The following SUMF1 variants were observed in gnomAD, a reference collection of about 807,000 sequenced individuals.
SUMF1 encodes sulfatase modifying factor 1, also known as formylglycine-generating enzyme.
In SUMF1, 48 loss-of-function variants were observed where a neutral mutation model predicts 47.6. The observed-to-expected ratio is 1.01, with a 90% CI of 0.80 to 1.28. The LOEUF is 1.28. SUMF1 is among the 50% of genes most tolerant of loss of function. The pLI, the probability that SUMF1 is intolerant of heterozygous loss-of-function variation, is 0.00. For missense variants in SUMF1, 571 were observed against 485.4 expected, an observed-to-expected ratio of 1.18 and a Z score of -1.66; for synonymous variants, 230 against 192.1, an observed-to-expected ratio of 1.20 and a Z score of -1.63.
At chr3:4,448,390 G>C (rs1258766291) in intron 3 of SUMF1, among the ~76,000 whole-genome samples, 2 of 152,076 alleles carry the variant, frequency 1.3e-5, no homozygotes, top group African/African-American at 4.8e-5. Flanking sequence ...TAAAAAGGAA[G>C]ATGAGGGCTG....
chr3:4,196,278 A>G (rs973138173), intron 8 of SUMF1, among the ~76,000 whole-genome samples: 2 of 152,128 alleles, frequency 1.3e-5, no homozygotes, highest in Admixed American at 1.3e-4. Context: ...ATGAAGGAAG[A>G]AAGAGAAGAG....
intron 8 of SUMF1, among the ~76,000 whole-genome samples, chr3:4,250,758 C>G (rs1299731897): frequency 6.6e-6 from 1 of 152,064 alleles, no homozygotes; most frequent in Non-Finnish European, 1.5e-5. Context: ...AATAACAAAG[C>G]CGAGATGCAA....
At chr3:4,037,239 T>G (rs1694817311) in intron 9 of SUMF1, among the ~76,000 whole-genome samples, 1 of 152,166 alleles carries the variant, frequency 6.6e-6, no homozygotes, top group Non-Finnish European at 1.5e-5. Flanking sequence ...AAGATAAAAT[T>G]GAAACTAAGT....
chr3:4,228,561 C>G (rs1367850025), intron 8 of SUMF1, among the ~76,000 whole-genome samples: 1 of 152,134 alleles, frequency 6.6e-6, no homozygotes, highest in Non-Finnish European at 1.5e-5. Flanking sequence ...TTATGCGGCT[C>G]TGCTTCACTG....
At chr3:4,208,781 A>G (rs757537590) in intron 8 of SUMF1, among the ~76,000 whole-genome samples, 1 of 152,160 alleles carries the variant, frequency 6.6e-6, no homozygotes, top group Non-Finnish European at 1.5e-5. Context: ...AACTGAAAAG[A>G]AAAAAGACTA....
intron 8 of SUMF1, among the ~76,000 whole-genome samples, chr3:4,331,973 A>G (rs1699060822): frequency 6.6e-6 from 1 of 152,240 alleles, no homozygotes; most frequent in Non-Finnish European, 1.5e-5. Context: ...AAAATGTCTA[A>G]ATTAAATTCT....
At chr3:4,362,647 C>A (rs550506415) in intron 8 of SUMF1, among the ~76,000 whole-genome samples, 1 of 152,130 alleles carries the variant, frequency 6.6e-6, no homozygotes, top group Admixed American at 6.5e-5. Context: ...TGAGGCCAGG[C>A]GCACTGGCTC....
At chr3:4,222,215 G>T (rs1274610882) in intron 8 of SUMF1, among the ~76,000 whole-genome samples, 1 of 151,896 alleles carries the variant, frequency 6.6e-6, no homozygotes, top group African/African-American at 2.4e-5. Context: ...AATTATCCAA[G>T]ATTTCTATAC....
intron 8 of SUMF1, among the ~76,000 whole-genome samples, chr3:4,322,621 C>G (rs1328827596): frequency 6.6e-6 from 1 of 151,168 alleles, no homozygotes; most frequent in Non-Finnish European, 1.5e-5. Context: ...GATCCTACCA[C>G]TGCACTTCAG....
At chr3:4,062,351 A>C (rs896765304) in intron 9 of SUMF1, among the ~76,000 whole-genome samples, 1 of 152,184 alleles carries the variant, frequency 6.6e-6, no homozygotes, top group African/African-American at 2.4e-5. Flanking sequence ...TAATAATAGC[A>C]ATAGAACCTT....
At chr3:4,079,998 G>A (rs1692525188) in intron 8 of SUMF1, among the ~76,000 whole-genome samples, 4 of 151,604 alleles carry the variant, frequency 2.6e-5, no homozygotes, top group East Asian at 3.9e-4. Flanking sequence ...TCTGGACTTC[G>A]GTGTCCTTAT....
intron 9 of SUMF1, among the ~76,000 whole-genome samples, chr3:4,051,034 GA>G (rs1695101874): frequency 6.6e-6 from 1 of 151,558 alleles, no homozygotes; most frequent in African/African-American, 2.4e-5. Context: ...CCGCTAAAAT[GA>G]CTTGCTGCGC....
At chr3:4,423,093 C>T (rs951018946) in intron 3 of SUMF1, among the ~76,000 whole-genome samples, 16 of 152,122 alleles carry the variant, frequency 1.1e-4, no homozygotes, top group Non-Finnish European at 1.8e-4. Flanking sequence ...TGGAGATTCC[C>T]TAAGGAACTA....
intron 9 of SUMF1, among the ~76,000 whole-genome samples, chr3:4,065,848 AG>A (rs1559439023): frequency 6.6e-6 from 1 of 152,156 alleles, no homozygotes; most frequent in Non-Finnish European, 1.5e-5. Context: ...GAACTCAGAA[AG>A]GGTAGCAAAT....
At chr3:4,430,666 C>T (rs545087916) in intron 3 of SUMF1, among the ~76,000 whole-genome samples, 2 of 152,154 alleles carry the variant, frequency 1.3e-5, no homozygotes, top group South Asian at 4.2e-4. Flanking sequence ...GGATACAGAA[C>T]CAAAGTACAT....
At chr3:4,235,727 G>C (rs555160549) in intron 8 of SUMF1, among the ~76,000 whole-genome samples, 33 of 152,120 alleles carry the variant, frequency 2.2e-4, no homozygotes, top group African/African-American at 7.7e-4. Flanking sequence ...GTGGAAGGTT[G>C]GGACAAGGAG....
chr3:4,108,232 A>C (rs1327375715), intron 8 of SUMF1, among the ~76,000 whole-genome samples: 1 of 152,058 alleles, frequency 6.6e-6, no homozygotes, highest in Admixed American at 6.6e-5. Flanking sequence ...GTAGTTGAGC[A>C]GTTTTGAGTG....
chr3:4,044,127 G>T (rs1694963767), intron 9 of SUMF1, among the ~76,000 whole-genome samples: 1 of 152,124 alleles, frequency 6.6e-6, no homozygotes, highest in African/African-American at 2.4e-5. Context: ...TCTTCCTAGG[G>T]TGTGATTGAA....
In SUMF1 at chr3:4,303,394, G is replaced by A. The variant is rs200067979; in HGVS notation, c.1014+72936C>T. ...AAATGTTCGCGGAAGCGGCAAAGAC[G>A]ACACGGCCTTGTGGGATGGCGGAGT... On this transcript the variant is annotated intron_variant and NMD_transcript_variant, in intron 8 of 12. Transcript: ENST00000448413. The A allele has an allele frequency of 1.8e-5, 28 of 1,559,486 alleles. No homozygotes were observed. In the East Asian group the frequency reaches 6.5e-4, roughly 36 times the overall value.
Sources: gnomAD v4.1 joint callset for allele counts (sites outside exome capture counted in the v4.1 genomes callset) on GRCh38, gnomAD v4.1.1 for gene constraint, MANE v1.5 for transcripts, NCBI Gene and HGNC (gene_info 2026-07-23, HGNC 2026-07-21) for gene names.